Variants in IL17RA observed in about 807,000 individuals in gnomAD.
IL17RA encodes the protein interleukin-17 receptor A.
IL17RA carries 34 observed loss-of-function variants against 50.4 expected under a neutral mutation model. The ratio of observed to expected loss-of-function variants is 0.67; its 90% confidence interval spans 0.51 to 0.90. IL17RA has a LOEUF of 0.90. Ranked by LOEUF, IL17RA falls within the 40% of genes least tolerant of loss-of-function variation. The pLI is 0.00. For synonymous variants in IL17RA, 585 were observed against 510.4 expected, an observed-to-expected ratio of 1.15 and a Z score of -1.97; for missense variants, 1,276 against 1,169.8, an observed-to-expected ratio of 1.09 and a Z score of -1.32.
At chr22:17,105,831 C>T (rs1568922158) in intron 10 of IL17RA, 22 bp from the exon 11 acceptor site, 1 of 1,600,514 alleles carries the variant, frequency 6.2e-7, no homozygotes, top group Non-Finnish European at 8.6e-7. Flanking sequence ...CCGCATCACT[C>T]ACGCTGTTCT....
intron 2 of IL17RA, 104 bp from the exon 3 acceptor site, chr22:17,097,693 G>C: frequency 7.0e-7 from 1 of 1,426,162 alleles, no homozygotes; most frequent in Non-Finnish European, 9.8e-7. Flanking sequence ...CTGGAAGGCC[G>C]CGGGCCCCTG....
chr22:17,108,534 A>AGCAACTCTAAGATCATCGTCCT lies in IL17RA; in HGVS notation c.1317_1338dup (p.Cys447GlnfsTer3). On this transcript the variant is annotated frameshift_variant, in exon 13 of 13. Transcript: ENST00000319363. LOFTEE classifies it low-confidence loss of function (END_TRUNC). ...CCGTCAGAAGCAGGAGATGGTGGAG[A>AGCAACTCTAAGATCATCGTCCT]GCAACTCTAAGATCATCGTCCTGTG... The AGCAACTCTAAGATCATCGTCCT allele has an allele frequency of 6.2e-7, 1 of 1,610,414 alleles. No individual in the cohort carries two copies. The highest frequency in any genetic ancestry group is 8.5e-7 in the Non-Finnish European group (1 of 1,179,984).
chr22:17,095,356 A>T (rs1601339498), intron 1 of IL17RA, among the ~76,000 whole-genome samples: 1 of 152,170 alleles, frequency 6.6e-6, no homozygotes, highest in Non-Finnish European at 1.5e-5. Flanking sequence ...GGCATACCAA[A>T]CTATTTCCCT....
rs55889570 is a variant in IL17RA at position 17,103,835 on chromosome 22, T to A, written c.846+258T>A. 0.045 allele frequency among the ~76,000 whole-genome samples: 6,072 copies of A among 136,124 alleles called. 385 individuals are homozygous for A. The highest frequency in any genetic ancestry group is 0.3 in the East Asian group (1,239 of 4,082). 89.3% of individuals were successfully genotyped at this position (136,124 alleles called of 152,430 possible). ...GCGTGCACAGGTGGAGAGAGTGGTG[T>A]GGACGGGAGTGGGGAACGTGCACAG... is the stretch of plus-strand genomic sequence containing the variant. On this transcript the variant is annotated intron_variant, in intron 8 of 12. Coordinates refer to ENST00000319363, the MANE Select transcript of IL17RA (RefSeq NM_014339.7).
chr22:17,104,769 A>G lies in IL17RA; in HGVS notation c.890A>G (p.His297Arg). The G allele has an allele frequency of 6.2e-7, 1 of 1,613,798 alleles. No individual in the cohort carries two copies. The highest frequency in any genetic ancestry group is 8.5e-7 in the Non-Finnish European group (1 of 1,179,940). Residue 297 changes from histidine (H) to arginine (R), a missense_variant, in exon 9 of 13, where the codon CAC becomes CGC. His to Arg is a conservative substitution (Grantham distance 29, BLOSUM62 0). Coordinates refer to ENST00000319363, the MANE Select transcript of IL17RA (RefSeq NM_014339.7). Reference protein sequence around the residue: ...FSSCLNDCLRHSATVSCPEMP... With the variant: ...FSSCLNDCLRRSATVSCPEMP... ...AGCTGCCTCAATGACTGCCTCAGACACTCCGCGACTGTTTCCTGCCCAGAA... is the reference window on the plus strand; with the variant it reads ...AGCTGCCTCAATGACTGCCTCAGACGCTCCGCGACTGTTTCCTGCCCAGAA...
intron 1 of IL17RA, among the ~76,000 whole-genome samples, chr22:17,095,176 T>C (rs2061364437): frequency 6.6e-6 from 1 of 152,132 alleles, no homozygotes; most frequent in Admixed American, 6.5e-5. Context: ...CAATGCACCA[T>C]AATCTAGTGG....
intron 1 of IL17RA, among the ~76,000 whole-genome samples, chr22:17,096,397 T>C (rs13340087): frequency 0.12 from 17,606 of 152,118 alleles, 1,099 homozygotes; most frequent in African/African-American, 0.15. Flanking sequence ...CCCCAACAGA[T>C]CTGTCACAGA....
rs1482000527 is a variant in IL17RA, at chr22:17,109,840, G to T, written c.*20G>T. On this transcript the variant is annotated 3_prime_UTR_variant, in exon 13 of 13. Transcript: ENST00000319363. ...GCATGAGGGCGGCTCCCCAGGGACC[G>T]CCCAGATCCCAGCTTTGAGAGAGGA... 6.5e-7 allele frequency: 1 copy of T among 1,546,506 alleles called. No homozygotes were observed. The highest frequency in any genetic ancestry group is 1.2e-5 in the South Asian group (1 of 84,024).
intron 1 of IL17RA, among the ~76,000 whole-genome samples, chr22:17,085,826 G>T (rs1356009572): frequency 6.6e-6 from 1 of 152,166 alleles, no homozygotes; most frequent in African/African-American, 2.4e-5. Flanking sequence ...GGACCCCGCT[G>T]TCGTAGAGCC....
chr22:17,097,960 G>C lies in IL17RA; in HGVS notation c.310+17G>C. On this transcript the variant is annotated intron_variant, in intron 3 of 12. Transcript: ENST00000319363. The stretch of plus-strand genomic sequence containing the variant: ...AGACAGACGGTGAGTGGGCATGCCA[G>C]CAGGGCCCTGGGGGATTCTCCCTGC... 6.2e-7 allele frequency: 1 copy of C among 1,613,546 alleles called. No individual in the cohort carries two copies. The highest frequency in any genetic ancestry group is 8.5e-7 in the Non-Finnish European group (1 of 1,180,028).
chr22:17,115,103 C>T lies in IL17RA; in HGVS notation c.*5283C>T, dbSNP rs1306869525. 6.6e-6 allele frequency: 1 copy of T among 152,258 alleles called. No homozygotes were observed. Among genetic ancestry groups the T allele is most frequent in the Non-Finnish European group, 1.5e-5 (1 of 68,054 alleles). The allele number at this position is 152,258 out of a possible 1,614,324, so 9.4% of individuals were successfully genotyped here. A position where few individuals can be genotyped will look rare whatever the true frequency, so the allele number is the denominator to read the frequency against. On this transcript the variant is annotated 3_prime_UTR_variant, in exon 13 of 13. Coordinates refer to ENST00000319363, the MANE Select transcript of IL17RA (RefSeq NM_014339.7). ...TCCCTACTGCACCTGTCACAAAGTG[C>T]CTTCTGATATGCCTGGCAAACCAAA...
intron 4 of IL17RA, among the ~76,000 whole-genome samples, chr22:17,099,104 C>T (rs551873513): frequency 5.7e-4 from 87 of 152,286 alleles, no homozygotes; most frequent in Non-Finnish European, 9.6e-4. Flanking sequence ...TTTTTGAAAG[C>T]GTCCCTCACC....
intron 7 of IL17RA, 73 bp from the exon 8 acceptor site, chr22:17,103,421 G>A: frequency 4.9e-6 from 6 of 1,216,590 alleles, no homozygotes; most frequent in Admixed American, 3.7e-5. Context: ...CCATGGCAGT[G>A]CCACAGCGTG....
chr22:17,101,353 G>A (rs2123801865), intron 5 of IL17RA, among the ~76,000 whole-genome samples: 1 of 152,326 alleles, frequency 6.6e-6, no homozygotes, highest in East Asian at 1.9e-4. Context: ...GGACCACCCT[G>A]CACACACGCG....
intron 1 of IL17RA, 155 bp downstream of exon 1, chr22:17,085,384 T>C (rs2061323212): frequency 1.1e-6 from 1 of 938,176 alleles, no homozygotes; most frequent in Non-Finnish European, 1.3e-6. Context: ...GGCACAGATA[T>C]CGCGGCGCCT....
In IL17RA at chr22:17,104,778, C is replaced by T. The variant is rs200422686; in HGVS notation, c.899C>T (p.Thr300Ile). ...CLNDCLRHSA[T>I]VSCPEMPDTP... ...AATGACTGCCTCAGACACTCCGCGACTGTTTCCTGCCCAGAAATGCCAGAC... is the reference window on the plus strand; with the variant it reads ...AATGACTGCCTCAGACACTCCGCGATTGTTTCCTGCCCAGAAATGCCAGAC... The change falls in exon 9 of 13, where the codon ACT (threonine) becomes ATT (isoleucine). Residue 300 changes from threonine (T) to isoleucine (I), a missense_variant. Coordinates refer to ENST00000319363, the MANE Select transcript of IL17RA (RefSeq NM_014339.7). The T allele has an allele frequency of 6.2e-7, 1 of 1,614,146 alleles. No individual in the cohort carries two copies. Among genetic ancestry groups the T allele is most frequent in the East Asian group, 2.2e-5 (1 of 44,882 alleles).
At chr22:17,088,660 T>C (rs2061337166) in intron 1 of IL17RA, among the ~76,000 whole-genome samples, 1 of 151,484 alleles carries the variant, frequency 6.6e-6, no homozygotes. Flanking sequence ...CTAATTTTTG[T>C]TATTTTTAGT....
chr22:17,098,499 G>A (rs759044071), intron 3 of IL17RA, among the ~76,000 whole-genome samples: 1 of 152,158 alleles, frequency 6.6e-6, no homozygotes, highest in Non-Finnish European at 1.5e-5. Flanking sequence ...TGACACCCAT[G>A]CCAGATTGTC....
intron 11 of IL17RA, among the ~76,000 whole-genome samples, chr22:17,107,030 C>A (rs2061417701): frequency 1.3e-5 from 2 of 152,160 alleles, no homozygotes; most frequent in Admixed American, 1.3e-4. Flanking sequence ...GTCGTTTGCT[C>A]AGTCATCTGT....
Sources: gnomAD v4.1 joint callset for allele counts (sites outside exome capture counted in the v4.1 genomes callset) on GRCh38, gnomAD v4.1.1 for gene constraint, MANE v1.5 for transcripts, NCBI Gene and HGNC (gene_info 2026-07-23, HGNC 2026-07-21) for gene names.